The following PRDM2 variants were observed in gnomAD, a reference collection of about 807,000 sequenced individuals.
The protein encoded by PRDM2 is PR/SET domain 2.
PRDM2 carries 30 observed loss-of-function variants against 130.0 expected under a neutral mutation model. The ratio of observed to expected loss-of-function variants is 0.23; its 90% CI spans 0.17 to 0.31. The LOEUF is 0.31. Ranked by LOEUF, PRDM2 falls within the 10% of genes least tolerant of loss-of-function variation. PRDM2 has a pLI of 1.00. For missense variants in PRDM2, 2,011 were observed against 2,108.4 expected (o/e 0.95, Z 0.90); for synonymous variants, 871 against 782.4 (o/e 1.11, Z -1.89).
rs200384633 is a variant in PRDM2 at position 13,741,720 on chromosome 1, TTGTGTGTGTGTG to T, written c.232-251_232-240del. Reference sequence around the variant, plus strand: ...GCATGCTGACTATAGCTCTTTAAGTTTGTGTGTGTGTGTGTGTGTGTGTGTGTGTGTGTGTGT... The same window carrying T: ...GCATGCTGACTATAGCTCTTTAAGTTTGTGTGTGTGTGTGTGTGTGTGTGT... On this transcript the variant is annotated intron_variant, in intron 4 of 9. Coordinates refer to ENST00000311066, the MANE Select transcript of PRDM2 (RefSeq NM_001393986.1). 4.6e-3 allele frequency among the ~76,000 whole-genome samples: 514 copies of T among 112,598 alleles called. 10 individuals carry two copies. Among genetic ancestry groups the T allele is most frequent in the South Asian group, 0.039 (131 of 3,324 alleles). The allele number at this position is 112,598 out of a possible 152,430, so 73.9% of individuals were successfully genotyped here.
At chr1:13,792,067 C>T (rs901421055) in intron 8 of PRDM2, among the ~76,000 whole-genome samples, 2 of 152,196 alleles carry the variant, frequency 1.3e-5, no homozygotes, top group Non-Finnish European at 2.9e-5. Flanking sequence ...GGAGAAAGAA[C>T]TGGAGTGTCA....
chr1:13,790,668 A>G (rs1474064899), intron 8 of PRDM2, among the ~76,000 whole-genome samples: 1 of 152,230 alleles, frequency 6.6e-6, no homozygotes, highest in Non-Finnish European at 1.5e-5. Context: ...CAGAACATCT[A>G]ATGTCAAAAT....
chr1:13,729,041 A>G (rs1643016418), intron 2 of PRDM2, among the ~76,000 whole-genome samples: 1 of 152,212 alleles, frequency 6.6e-6, no homozygotes, highest in Non-Finnish European at 1.5e-5. Context: ...AATCAGACAG[A>G]TATTCAGATC....
intron 6 of PRDM2, among the ~76,000 whole-genome samples, chr1:13,758,729 C>T (rs1218647157): frequency 3.9e-5 from 6 of 152,104 alleles, no homozygotes; most frequent in Admixed American, 3.9e-4. Context: ...GCTTGCTATT[C>T]CTGCTTCTGT....
chr1:13,805,030 G>A (rs1191347816), intron 8 of PRDM2, among the ~76,000 whole-genome samples: 2 of 152,136 alleles, frequency 1.3e-5, no homozygotes, highest in East Asian at 1.9e-4. Flanking sequence ...CTACTTGGCC[G>A]AGGGAACTTG....
intron 4 of PRDM2, among the ~76,000 whole-genome samples, chr1:13,733,776 C>G (rs1348297416): frequency 6.6e-6 from 1 of 152,136 alleles, no homozygotes; most frequent in African/African-American, 2.4e-5. Context: ...TGGAAGCCCC[C>G]CTGAGTTCTT....
intron 8 of PRDM2, among the ~76,000 whole-genome samples, chr1:13,805,266 G>A (rs961002913): frequency 6.6e-6 from 1 of 152,174 alleles, no homozygotes; most frequent in Non-Finnish European, 1.5e-5. Context: ...GCTCAGCGAG[G>A]TAGAGGCATT....
chr1:13,763,237 G>C (rs1005064415), intron 6 of PRDM2, among the ~76,000 whole-genome samples: 4 of 152,086 alleles, frequency 2.6e-5, no homozygotes, highest in African/African-American at 9.7e-5. Context: ...AATAATGATG[G>C]GTATAAGAAC....
intron 6 of PRDM2, among the ~76,000 whole-genome samples, chr1:13,762,680 C>T (rs910390628): frequency 1.3e-5 from 2 of 152,196 alleles, no homozygotes; most frequent in Non-Finnish European, 2.9e-5. Context: ...TCCTTGGAGA[C>T]CAGCACCAAG....
At chr1:13,776,084 A>G (rs1644468546) in intron 7 of PRDM2, among the ~76,000 whole-genome samples, 1 of 152,124 alleles carries the variant, frequency 6.6e-6, no homozygotes. Context: ...TTCCTGATTA[A>G]TCAAACCCAT....
chr1:13,814,292 C>A (rs1452861380), intron 8 of PRDM2, among the ~76,000 whole-genome samples: 1 of 152,218 alleles, frequency 6.6e-6, no homozygotes, highest in Admixed American at 6.5e-5. Flanking sequence ...TTAACTCTTG[C>A]ACAGGCGAGT....
At chr1:13,700,866 G>A (rs573772153) in intron 1 of PRDM2, among the ~76,000 whole-genome samples, 4 of 152,288 alleles carry the variant, frequency 2.6e-5, no homozygotes, top group South Asian at 4.1e-4. Context: ...GGGTGTATGT[G>A]TGTGTGTGCG....
chr1:13,781,536 C>T lies in PRDM2; in HGVS notation c.3741C>T (p.Ser1247=). 1 of 1,612,498 alleles carries T rather than the reference C, an allele frequency of 6.2e-7. No individual in the cohort carries two copies. ...PSKAHVEHMQ[S]LPEDPLETSK... Reference sequence around the variant, plus strand: ...AGGCCCATGTAGAGCATATGCAGAGCTTGCCAGAAGATCCTTTAGAAACTT... The same window carrying T: ...AGGCCCATGTAGAGCATATGCAGAGTTTGCCAGAAGATCCTTTAGAAACTT... Residue 1247 remains serine, a synonymous_variant, in exon 8 of 10, where the codon AGC becomes AGT. Transcript: ENST00000311066. This position sits in a 1 kb window ranked among gnomAD's most constrained non-coding sequence, Gnocchi z 6.1.
chr1:13,706,558 G>C (rs1466325968), intron 1 of PRDM2, among the ~76,000 whole-genome samples: 1 of 152,100 alleles, frequency 6.6e-6, no homozygotes, highest in Non-Finnish European at 1.5e-5. Context: ...TCTACCACAA[G>C]GTCAAGTTTA....
chr1:13,781,067 T>G lies in PRDM2; in HGVS notation c.3272T>G (p.Leu1091Arg). ...TCTGTTGTTTCCTCTGGTGATAATC[T>G]GGAGGCTTCTCTCCCCATGATATCT... Reference protein sequence around the residue: ...ISSVVSSGDNLEASLPMISFK... With the variant: ...ISSVVSSGDNREASLPMISFK... Residue 1091 changes from leucine (L) to arginine (R), a missense_variant, in exon 8 of 10, where the codon CTG becomes CGG. Leu to Arg is a moderately radical substitution (Grantham distance 102). This residue lies in a region of PRDM2 where 1,288 missense variants were observed against 1,237.7 expected (regional missense o/e 1.04). Coordinates refer to ENST00000311066, the MANE Select transcript of PRDM2 (RefSeq NM_001393986.1). The surrounding 1 kb of genome is among the most constrained non-coding windows in gnomAD (Gnocchi z 6.1). The G allele has an allele frequency of 6.2e-7, 1 of 1,613,314 alleles. No individual in the cohort carries two copies. The highest frequency in any genetic ancestry group is 1.1e-5 in the South Asian group (1 of 91,066).
At chr1:13,759,502 C>G (rs1421655212) in intron 6 of PRDM2, among the ~76,000 whole-genome samples, 4 of 152,066 alleles carry the variant, frequency 2.6e-5, no homozygotes, top group Non-Finnish European at 5.9e-5. Context: ...TTTTGTCTTT[C>G]ATGTTTGGGA....
intron 2 of PRDM2, among the ~76,000 whole-genome samples, chr1:13,730,593 T>C (rs934617334): frequency 6.6e-6 from 1 of 152,204 alleles, no homozygotes; most frequent in Non-Finnish European, 1.5e-5. Context: ...GCTGAAAGCA[T>C]TCATTGAAGT....
At chr1:13,783,967 C>G (rs1644681769) in intron 8 of PRDM2, among the ~76,000 whole-genome samples, 1 of 152,110 alleles carries the variant, frequency 6.6e-6, no homozygotes, top group Non-Finnish European at 1.5e-5. Context: ...GTGCCATTAG[C>G]CCTGCATGAT....
chr1:13,775,929 G>T (rs1393674526), intron 7 of PRDM2, among the ~76,000 whole-genome samples: 1 of 152,112 alleles, frequency 6.6e-6, no homozygotes, highest in Non-Finnish European at 1.5e-5. Context: ...GATACCTTCA[G>T]TGGCTCCCCA....
Sources: allele counts gnomAD v4.1 joint callset (sites outside exome capture counted in the v4.1 genomes callset), GRCh38; gene constraint gnomAD v4.1.1; regional missense constraint gnomAD v4.1.1; non-coding constraint Gnocchi (gnomAD v3.1); transcripts MANE v1.5; gene names NCBI Gene and HGNC (gene_info 2026-07-23, HGNC 2026-07-21).